POU2F1: variants seen among roughly 807,000 people sequenced by gnomAD.
POU2F1 encodes the protein POU class 2 homeobox 1.
In POU2F1, 16 loss-of-function variants were observed where a neutral mutation model predicts 84.9. That is an observed-to-expected ratio of 0.19 (90% confidence interval 0.13 to 0.29). The LOEUF (loss-of-function observed/expected upper bound fraction) is 0.29, where lower values mean the gene tolerates loss of function less well. Ranked by LOEUF, POU2F1 falls within the 10% of genes least tolerant of loss-of-function variation. The pLI is 1.00. For missense variants in POU2F1, 738 were observed against 942.6 expected (o/e 0.78, Z 2.84); for synonymous variants, 368 against 368.3 (o/e 1.00, Z 0.01).
At chr1:167,345,519 A>G (rs2101768779) in intron 2 of POU2F1, among the ~76,000 whole-genome samples, 1 of 152,348 alleles carries the variant, frequency 6.6e-6, no homozygotes, top group South Asian at 2.1e-4. Context: ...TCATAATCCA[A>G]GTTAGGAAGG....
At chr1:167,300,528 G>C (rs193055425) in intron 1 of POU2F1, among the ~76,000 whole-genome samples, 1 of 152,070 alleles carries the variant, frequency 6.6e-6, no homozygotes, top group Non-Finnish European at 1.5e-5. Flanking sequence ...GTAGTGGCGC[G>C]ATCTCAGCTT....
chr1:167,336,892 G>A (rs1176755998), intron 2 of POU2F1, among the ~76,000 whole-genome samples: 5 of 151,964 alleles, frequency 3.3e-5, no homozygotes, highest in East Asian at 1.9e-4. Context: ...TAAGCCAGGC[G>A]CCATGGCTCA....
chr1:167,362,263 T>C (rs1026640661), intron 2 of POU2F1, among the ~76,000 whole-genome samples: 1 of 152,258 alleles, frequency 6.6e-6, no homozygotes, highest in Admixed American at 6.5e-5. Context: ...TAAATTCCTC[T>C]ATTTATCTGA....
At chr1:167,365,207 C>T (rs1017574127) in intron 2 of POU2F1, among the ~76,000 whole-genome samples, 1 of 152,156 alleles carries the variant, frequency 6.6e-6, no homozygotes, top group Non-Finnish European at 1.5e-5. Context: ...TTTCACATAC[C>T]ATCTTATGAT....
At chr1:167,305,270 C>T (rs59140591) in intron 1 of POU2F1, among the ~76,000 whole-genome samples, 11,448 of 151,858 alleles carry the variant, frequency 0.075, 1,383 homozygotes, top group African/African-American at 0.26. Context: ...TCACTGCAGC[C>T]TCCACCTCCC....
chr1:167,322,615 A>G (rs1167663403), intron 1 of POU2F1, among the ~76,000 whole-genome samples: 1 of 152,248 alleles, frequency 6.6e-6, no homozygotes, highest in African/African-American at 2.4e-5. Context: ...CTACTTGCCG[A>G]GACCAGGTCG....
At chr1:167,276,450 GTATA>G (rs112638475) in intron 1 of POU2F1, among the ~76,000 whole-genome samples, 1 of 151,574 alleles carries the variant, frequency 6.6e-6, no homozygotes, top group Non-Finnish European at 1.5e-5. Flanking sequence ...TTAATCATAG[GTATA>G]TATATATAGG....
At chr1:167,257,530 C>G (rs949769380) in intron 1 of POU2F1, among the ~76,000 whole-genome samples, 1 of 152,084 alleles carries the variant, frequency 6.6e-6, no homozygotes, top group African/African-American at 2.4e-5. Flanking sequence ...AGCTTCAAAT[C>G]TAAAGAAATT....
Position 167,399,322 on chromosome 1 carries a change from G to A in POU2F1, c.1406G>A (p.Ser469Asn), listed in dbSNP as rs745650639. 1 of 1,613,968 alleles carries A rather than the reference G, an allele frequency of 6.2e-7. No homozygotes were observed. Among genetic ancestry groups the A allele is most frequent in the Non-Finnish European group, 8.5e-7 (1 of 1,179,942 alleles). ...AACCCACCAAGCAGTGGTGGGACCAGCAGCTCACCTATTAAAGCAATTTTC... is the reference window on the plus strand; with the variant it reads ...AACCCACCAAGCAGTGGTGGGACCAACAGCTCACCTATTAAAGCAATTTTC... ...RINPPSSGGT[S>N]SSPIKAIFPS... Residue 469 changes from serine (S) to asparagine (N), a missense_variant, in exon 12 of 16, where the codon AGC becomes AAC. Transcript: ENST00000367866.
In POU2F1 at chr1:167,416,029, A is replaced by G. The variant is rs1650289528; in HGVS notation, c.*219A>G. On this transcript the variant is annotated 3_prime_UTR_variant, in exon 16 of 16. Coordinates refer to ENST00000367866, the MANE Select transcript of POU2F1 (RefSeq NM_002697.4). The stretch of plus-strand genomic sequence containing the variant: ...GACGGAACATTTGCCTAATTTTGTA[A>G]TAAAACACTGTCTTTTCAGGATTGC... 1.5e-6 allele frequency: 1 copy of G among 659,730 alleles called. No homozygotes were observed. Among genetic ancestry groups the G allele is most frequent in the Non-Finnish European group, 2.7e-6 (1 of 369,700 alleles). The allele number at this position is 659,730 out of a possible 1,614,324, so 40.9% of individuals were successfully genotyped here.
intron 13 of POU2F1, among the ~76,000 whole-genome samples, chr1:167,409,245 A>G (rs1649793788): frequency 6.6e-6 from 1 of 152,120 alleles, no homozygotes; most frequent in African/African-American, 2.4e-5. Flanking sequence ...CTCTTTCTGC[A>G]TATGGATATC....
intron 7 of POU2F1, among the ~76,000 whole-genome samples, chr1:167,383,193 C>T (rs913311606): frequency 8.5e-5 from 13 of 152,110 alleles, no homozygotes; most frequent in African/African-American, 2.9e-4. Context: ...AAGATTAAAT[C>T]CTTAAATACA....
At position 167,236,968 on chromosome 1, in the gene POU2F1, G is replaced by C. The variant is rs112404758; in HGVS notation, c.61+16010G>C. On this transcript the variant is annotated intron_variant, in intron 1 of 15. Coordinates refer to ENST00000367866, the MANE Select transcript of POU2F1 (RefSeq NM_002697.4). ...CTAGGGGTCTATTTCCTACACAAGG[G>C]CTTGGAAATGATAAGACTAATCCTG... Among the ~76,000 whole-genome samples the C allele has an allele frequency of 2.8e-3, 429 of 152,278 alleles. 6 individuals are homozygous for C. Among genetic ancestry groups the C allele is most frequent in the African/African-American group, 0.01 (422 of 41,550 alleles).
chr1:167,245,484 G>C (rs1650247826), intron 1 of POU2F1, among the ~76,000 whole-genome samples: 1 of 149,910 alleles, frequency 6.7e-6, no homozygotes, highest in South Asian at 2.1e-4. Context: ...TGTGATCTCA[G>C]CTCACTGCAA....
intron 1 of POU2F1, among the ~76,000 whole-genome samples, chr1:167,299,017 G>T (rs1256412523): frequency 6.6e-6 from 1 of 152,080 alleles, no homozygotes; most frequent in African/African-American, 2.4e-5. Context: ...TACAAAATTA[G>T]CTGGGCATGG....
intron 2 of POU2F1, among the ~76,000 whole-genome samples, chr1:167,343,048 G>C (rs540071721): frequency 6.6e-6 from 1 of 152,130 alleles, no homozygotes; most frequent in South Asian, 2.1e-4. Context: ...TTTAATAGAT[G>C]TCAGTTACAG....
At chr1:167,265,651 G>C (rs1314945558) in intron 1 of POU2F1, among the ~76,000 whole-genome samples, 1 of 152,124 alleles carries the variant, frequency 6.6e-6, no homozygotes, top group East Asian at 1.9e-4. Flanking sequence ...AGTACTCTTA[G>C]GGTTGTGGTT....
chr1:167,298,113 T>A (rs1286320424), intron 1 of POU2F1, among the ~76,000 whole-genome samples: 1 of 151,426 alleles, frequency 6.6e-6, no homozygotes, highest in Non-Finnish European at 1.5e-5. Flanking sequence ...GCAACAAGAG[T>A]GAAACTCCAT....
rs1228865962 is a variant in POU2F1, at chr1:167,396,349, C to G, written c.1051C>G (p.Arg351Gly). Residue 351 changes from arginine (R) to glycine (G), a missense_variant, in exon 10 of 16, where the codon CGA (arginine) becomes GGA (glycine). This residue lies in a region of POU2F1 where 95 missense variants were observed against 195.1 expected (regional missense o/e 0.49). Coordinates refer to ENST00000367866, the MANE Select transcript of POU2F1 (RefSeq NM_002697.4). ...TGACTTCAGCCAAACTACCATCTCT[C>G]GATTTGAAGCCTTGAACCTCAGCTT... ...GNDFSQTTIS[R>G]FEALNLSFKN... 6.2e-7 allele frequency: 1 copy of G among 1,614,038 alleles called. No individual in the cohort carries two copies.
Sources: gnomAD v4.1 joint callset for allele counts (sites outside exome capture counted in the v4.1 genomes callset) on GRCh38, gnomAD v4.1.1 for gene constraint, gnomAD v4.1.1 regional missense constraint, MANE v1.5 for transcripts, NCBI Gene and HGNC (gene_info 2026-07-23, HGNC 2026-07-21) for gene names.